Variants in GRIK3 observed in about 807,000 individuals in gnomAD.
The protein encoded by GRIK3 is glutamate ionotropic receptor kainate type subunit 3, also known as glutamate receptor ionotropic, kainate 3.
GRIK3 carries 29 observed loss-of-function variants against 102.5 expected under a neutral mutation model. That is an observed-to-expected ratio of 0.28 (90% confidence interval 0.21 to 0.39). GRIK3 has a LOEUF of 0.39. Among genes scored for constraint, GRIK3 ranks in the 10% least tolerant of loss-of-function variants. GRIK3 has a pLI of 1.00. For missense variants in GRIK3, 908 were observed against 1,252.4 expected, an observed-to-expected ratio of 0.73 and a Z score of 4.15; for synonymous variants, 511 against 504.9, an observed-to-expected ratio of 1.01 and a Z score of -0.16.
At chr1:36,844,301 C>G (rs531722161) in intron 9 of GRIK3, among the ~76,000 whole-genome samples, 51 of 152,348 alleles carry the variant, frequency 3.3e-4, no homozygotes, top group African/African-American at 1.2e-3. Flanking sequence ...GTGCCTCTCT[C>G]ACTCGCCTTC....
rs762486389 is a variant in GRIK3 at position 36,915,629 on chromosome 1, CT to C, written c.116-24534del. Among the ~76,000 whole-genome samples the C allele has an allele frequency of 7.3e-4, 111 of 152,168 alleles. 1 individual carries two copies. The highest frequency in any genetic ancestry group is 3.4e-3 in the Middle Eastern group (1 of 294). On this transcript the variant is annotated intron_variant, in intron 1 of 15. Coordinates refer to ENST00000373091, the MANE Select transcript of GRIK3 (RefSeq NM_000831.4). Reference sequence around the variant, plus strand: ...AGGTAATTGAATCATGGGGGCAGGTCTTTCCCGTGCTGTTTTCATGGTTGTG... The same window carrying C: ...AGGTAATTGAATCATGGGGGCAGGTCTTCCCGTGCTGTTTTCATGGTTGTG...
intron 1 of GRIK3, among the ~76,000 whole-genome samples, chr1:36,904,480 T>G (rs993488043): frequency 1.1e-4 from 16 of 152,194 alleles, no homozygotes; most frequent in Admixed American, 2.0e-4. Context: ...TAAAGGGAAA[T>G]AAATGATCAA....
At chr1:36,967,583 T>G (rs1413694268) in intron 1 of GRIK3, among the ~76,000 whole-genome samples, 1 of 152,126 alleles carries the variant, frequency 6.6e-6, no homozygotes, top group Non-Finnish European at 1.5e-5. Flanking sequence ...GGAAGTAAGA[T>G]GGAAAACCAG....
chr1:36,829,461 C>G (rs1043480913), intron 10 of GRIK3, among the ~76,000 whole-genome samples: 1 of 151,696 alleles, frequency 6.6e-6, no homozygotes, highest in Non-Finnish European at 1.5e-5. Context: ...GCTCCTTGGT[C>G]TTTGCTATAA....
At chr1:36,887,539 G>A (rs950015365) in intron 2 of GRIK3, among the ~76,000 whole-genome samples, 1 of 151,848 alleles carries the variant, frequency 6.6e-6, no homozygotes, top group Non-Finnish European at 1.5e-5. Context: ...GGTGGATCAC[G>A]AGGTCAGGAG....
intron 1 of GRIK3, among the ~76,000 whole-genome samples, chr1:36,946,945 G>A (rs980378727): frequency 6.6e-6 from 1 of 152,156 alleles, no homozygotes. Flanking sequence ...GGTAAGAAAG[G>A]ACAGAGAAGG....
At chr1:36,845,782 C>G (rs539322373) in intron 9 of GRIK3, among the ~76,000 whole-genome samples, 1 of 152,342 alleles carries the variant, frequency 6.6e-6, no homozygotes, top group African/African-American at 2.4e-5. Context: ...GAGTCCTATT[C>G]TCCCAGCAGG....
chr1:36,837,242 A>G (rs747565120), intron 10 of GRIK3, among the ~76,000 whole-genome samples: 2 of 152,156 alleles, frequency 1.3e-5, no homozygotes, highest in Non-Finnish European at 2.9e-5. Context: ...CCAAGTGCCC[A>G]GCCACAGGGC....
At chr1:36,889,297 A>G (rs575502761) in intron 2 of GRIK3, among the ~76,000 whole-genome samples, 5 of 151,446 alleles carry the variant, frequency 3.3e-5, no homozygotes, top group Non-Finnish European at 7.4e-5. Flanking sequence ...GAGAAAGGGA[A>G]TTACAAGCAG....
chr1:36,835,864 C>T (rs1440825285), intron 10 of GRIK3, among the ~76,000 whole-genome samples: 2 of 152,136 alleles, frequency 1.3e-5, no homozygotes, highest in African/African-American at 2.4e-5. Flanking sequence ...AATTCTGGAG[C>T]TGACAGTTCT....
rs528072877 is a variant in GRIK3 at position 36,965,693 on chromosome 1, A to G, written c.115+68301T>C. 1.5e-4 allele frequency among the ~76,000 whole-genome samples: 23 copies of G among 152,312 alleles called. No homozygotes were observed. In the South Asian group the frequency reaches 4.4e-3, roughly 29 times the overall value. On this transcript the variant is annotated intron_variant, in intron 1 of 15. Coordinates refer to ENST00000373091, the MANE Select transcript of GRIK3 (RefSeq NM_000831.4). Reference sequence around the variant, plus strand: ...ATGTGGCTCTGAAAGATTCTGAGATAGTTTAGATTGAGTCCCAACGGGAAT... The same window carrying G: ...ATGTGGCTCTGAAAGATTCTGAGATGGTTTAGATTGAGTCCCAACGGGAAT...
At chr1:36,923,016 AG>A (rs1641490708) in intron 1 of GRIK3, among the ~76,000 whole-genome samples, 1 of 152,172 alleles carries the variant, frequency 6.6e-6, no homozygotes, top group Non-Finnish European at 1.5e-5. Context: ...TGGTCTGCAA[AG>A]CCATTAAATA....
At chr1:37,025,202 C>T (rs1228424602) in intron 1 of GRIK3, among the ~76,000 whole-genome samples, 1 of 152,176 alleles carries the variant, frequency 6.6e-6, no homozygotes. Flanking sequence ...AATTGGTGAG[C>T]TTCCCATTAC....
intron 7 of GRIK3, among the ~76,000 whole-genome samples, chr1:36,857,482 C>A (rs532872476): frequency 6.6e-6 from 1 of 152,290 alleles, no homozygotes; most frequent in East Asian, 1.9e-4. Context: ...GGAGTCCCTT[C>A]TAGGGGTGAA....
intron 1 of GRIK3, among the ~76,000 whole-genome samples, chr1:37,024,599 C>A (rs1261839557): frequency 6.6e-6 from 1 of 151,528 alleles, no homozygotes; most frequent in Non-Finnish European, 1.5e-5. Flanking sequence ...AAAAATTAGC[C>A]AGGCATGGTG....
chr1:36,820,953 G>A (rs1365131134), intron 11 of GRIK3, among the ~76,000 whole-genome samples: 1 of 152,152 alleles, frequency 6.6e-6, no homozygotes, highest in African/African-American at 2.4e-5. Context: ...AGAGGTTGGG[G>A]GGACCCTAGA....
At chr1:36,884,530 G>A (rs1465520204) in intron 2 of GRIK3, among the ~76,000 whole-genome samples, 1 of 152,150 alleles carries the variant, frequency 6.6e-6, no homozygotes, top group Non-Finnish European at 1.5e-5. Flanking sequence ...AACCATGGGA[G>A]CTGGGTACCA....
chr1:36,994,116 C>T (rs187692952), intron 1 of GRIK3, among the ~76,000 whole-genome samples: 2 of 152,354 alleles, frequency 1.3e-5, no homozygotes, highest in South Asian at 2.1e-4. Context: ...GATGACCTCT[C>T]TGAGGATTCC....
rs754151665 is a variant in GRIK3, at chr1:36,850,398, C to T, written c.1239G>A (p.Gly413=). The change falls in exon 9 of 16, where the codon GGG becomes GGA. Residue 413 remains glycine (G), a synonymous_variant. Coordinates refer to ENST00000373091, the MANE Select transcript of GRIK3 (RefSeq NM_000831.4). This position sits in a 1 kb window ranked among gnomAD's most constrained non-coding sequence, Gnocchi z 4.0. ...CTTTGGCAACCTCAGTGATGTTGAGCCCGTCGGCAGGACTCCACACCCCAA... is the reference window on the plus strand; with the variant it reads ...CTTTGGCAACCTCAGTGATGTTGAGTCCGTCGGCAGGACTCCACACCCCAA... The part of the protein sequence containing the change: ...EKVGVWSPAD[G]LNITEVAKGR... 3 of 1,613,142 alleles carry T rather than the reference C, an allele frequency of 1.9e-6. No homozygotes were observed. Among genetic ancestry groups the T allele is most frequent in the South Asian group, 2.2e-5 (2 of 91,054 alleles).
Sources: allele counts gnomAD v4.1 joint callset (sites outside exome capture counted in the v4.1 genomes callset), GRCh38; gene constraint gnomAD v4.1.1; non-coding constraint Gnocchi (gnomAD v3.1); transcripts MANE v1.5; gene names NCBI Gene and HGNC (gene_info 2026-07-23, HGNC 2026-07-21).